AQP8: variants seen among roughly 807,000 people sequenced by gnomAD.
AQP8 encodes the protein aquaporin 8.
AQP8 carries 14 observed loss-of-function variants against 26.1 expected under a neutral mutation model. That is an observed-to-expected ratio of 0.54 (90% CI 0.35 to 0.84). AQP8 has a LOEUF of 0.84. Among genes scored for constraint, AQP8 ranks in the 40% least tolerant of loss-of-function variants. The probability of loss-of-function intolerance (pLI) is 0.01; values close to 1 mark genes in which losing one functional copy is unlikely to be tolerated. For synonymous variants in AQP8, 131 were observed against 150.7 expected (o/e 0.87, Z 0.96); for missense variants, 301 against 340.5 (o/e 0.88, Z 0.91).
intron 4 of AQP8, among the ~76,000 whole-genome samples, chr16:25,225,544 C>T (rs1004102049): frequency 6.6e-6 from 1 of 151,440 alleles, no homozygotes; most frequent in African/African-American, 2.4e-5. Flanking sequence ...GTATCTGGGA[C>T]TACAGGCGTC....
chr16:25,221,337 C>G lies in AQP8; in HGVS notation c.261-120C>G, dbSNP rs949074135. 2.3e-5 allele frequency: 29 copies of G among 1,245,352 alleles called. No individual in the cohort carries two copies. In the African/African-American group the frequency reaches 3.7e-4, roughly 16 times the overall value. The allele number at this position is 1,245,352 out of a possible 1,614,324, so 77.1% of individuals were successfully genotyped here. On this transcript the variant is annotated intron_variant, in intron 2 of 5. Coordinates refer to ENST00000219660, the MANE Select transcript of AQP8 (RefSeq NM_001169.3). The stretch of plus-strand genomic sequence containing the variant: ...GTGCCTCTTTGTATTTGAGCTGGGC[C>G]CCGGACTGACTCTTGCCCTGAGAGG...
At position 25,222,851 on chromosome 16, in the gene AQP8, C is replaced by T. The variant is rs149955801; in HGVS notation, c.387+1268C>T. 2.7e-3 allele frequency among the ~76,000 whole-genome samples: 413 copies of T among 152,286 alleles called. 4 individuals are homozygous for T. The highest frequency in any genetic ancestry group is 9.4e-3 in the African/African-American group (389 of 41,568). ...AGCCTGTTCCCCTGTCTATGGAACA[C>T]GCCCGGGACCTTCCTTCTCGGCTTC... On this transcript the variant is annotated intron_variant, in intron 3 of 5. Coordinates refer to ENST00000219660, the MANE Select transcript of AQP8 (RefSeq NM_001169.3).
In AQP8 at chr16:25,217,368, G is replaced by C. The variant is rs143923104; in HGVS notation, c.183G>C (p.Thr61=). ...IGCLSVIENG[T]DTGLLQPALA... is the part of the protein sequence containing the mutation. ...GCCTGTCGGTCATTGAGAATGGGAC[G>C]GACACTGGGCTGCTGCAGCCGGCCC... is the stretch of plus-strand genomic sequence containing the variant. Residue 61 remains threonine, a synonymous_variant, in exon 2 of 6, where the codon ACG becomes ACC. Transcript: ENST00000219660. 2,994 of 1,614,126 alleles carry C rather than the reference G, an allele frequency of 1.9e-3. 3 individuals carry two copies. Among genetic ancestry groups the C allele is most frequent in the Non-Finnish European group, 2.3e-3 (2,770 of 1,180,000 alleles).
intron 2 of AQP8, among the ~76,000 whole-genome samples, chr16:25,221,020 C>T (rs1171335400): frequency 2.0e-5 from 3 of 152,212 alleles, no homozygotes; most frequent in Admixed American, 2.0e-4. Context: ...CATTGCACTG[C>T]AGCCCGCGCG....
At chr16:25,223,762 G>A (rs908953883) in intron 3 of AQP8, among the ~76,000 whole-genome samples, 11 of 151,868 alleles carry the variant, frequency 7.2e-5, no homozygotes, top group African/African-American at 2.7e-4. Flanking sequence ...GATCATCTAA[G>A]TTACATAAGT....
rs180769851 is a variant in AQP8 at position 25,228,553 on chromosome 16, G to C, written c.*61G>C. ...CCTCAGCTCACCTGTCCCAGACTGA[G>C]GACAGGGGAGTTCCTGCATTTCCTG... On this transcript the variant is annotated 3_prime_UTR_variant, in exon 6 of 6. Transcript: ENST00000219660. 4.5e-6 allele frequency: 7 copies of C among 1,568,708 alleles called. No homozygotes were observed. The Admixed American group carries it at 1.0e-4, about 22-fold the overall frequency.
chr16:25,223,919 A>G (rs1363906276), intron 3 of AQP8, among the ~76,000 whole-genome samples: 1 of 150,704 alleles, frequency 6.6e-6, no homozygotes, highest in African/African-American at 2.4e-5. Flanking sequence ...CTCTGCTTCC[A>G]GAGTTCAAGT....
intron 1 of AQP8, 57 bp from the exon 2 acceptor site, chr16:25,217,141 T>C: frequency 6.2e-7 from 1 of 1,613,314 alleles, no homozygotes; most frequent in Non-Finnish European, 8.5e-7. Context: ...GGTCGGGGCC[T>C]TCTATATCTG....
intron 2 of AQP8, among the ~76,000 whole-genome samples, chr16:25,218,134 C>T (rs1183648351): frequency 6.6e-6 from 1 of 152,154 alleles, no homozygotes; most frequent in Non-Finnish European, 1.5e-5. Context: ...ATCCAAGTGC[C>T]TCATGCGGAA....
At chr16:25,220,242 A>G (rs1391075047) in intron 2 of AQP8, among the ~76,000 whole-genome samples, 4 of 152,104 alleles carry the variant, frequency 2.6e-5, no homozygotes, top group Non-Finnish European at 5.9e-5. Context: ...GGGTAAGCTC[A>G]TTGGTGGGCT....
chr16:25,228,433 C>T lies in AQP8; in HGVS notation c.738-11C>T, dbSNP rs1339974547. On this transcript the variant is annotated splice_polypyrimidine_tract_variant and intron_variant, in intron 5 of 5. Transcript: ENST00000219660. ...CGGGGCAGAGACCTTACTGGGTCAT[C>T]TTTCTTGCAGGTGCTTCATTGGAGA... 2 of 1,613,784 alleles carry T rather than the reference C, an allele frequency of 1.2e-6. No individual in the cohort carries two copies. Among genetic ancestry groups the T allele is most frequent in the Admixed American group, 3.3e-5 (2 of 59,996 alleles).
At chr16:25,228,388 G>T in intron 5 of AQP8, 56 bp from the exon 6 acceptor site, 1 of 1,574,850 alleles carries the variant, frequency 6.3e-7, no homozygotes, top group Non-Finnish European at 8.7e-7. Context: ...GAGACATGAC[G>T]AAGGGCTGGG....
rs182041390 is a variant in AQP8 at position 25,224,285 on chromosome 16, C to T, written c.388-77C>T. On this transcript the variant is annotated intron_variant, in intron 3 of 5. Transcript: ENST00000219660. ...ACTGGCTCTTAAGGTGGGTAGCATG[C>T]GTTTTTTAGGCCCTCTCCCCTCAGT... 3.1e-5 allele frequency: 43 copies of T among 1,377,410 alleles called. No individual in the cohort carries two copies. The East Asian group carries it at 4.8e-4, about 15-fold the overall frequency. The allele number at this position is 1,377,410 out of a possible 1,614,324, so 85.3% of individuals were successfully genotyped here.
chr16:25,218,155 T>A (rs938438587), intron 2 of AQP8, among the ~76,000 whole-genome samples: 8 of 152,182 alleles, frequency 5.3e-5, no homozygotes, highest in Non-Finnish European at 8.8e-5. Context: ...GTCATGAGAA[T>A]TAAATGAAGT....
intron 2 of AQP8, 117 bp downstream of exon 2, chr16:25,217,562 T>G: frequency 3.6e-6 from 5 of 1,372,218 alleles, no homozygotes; most frequent in Non-Finnish European, 4.9e-6. Flanking sequence ...AGGAGCGCTC[T>G]GGATAACTAT....
chr16:25,227,617 C>G (rs1054793254), intron 5 of AQP8, among the ~76,000 whole-genome samples: 3 of 152,000 alleles, frequency 2.0e-5, no homozygotes, highest in Admixed American at 2.0e-4. Flanking sequence ...GCCTGCCAAG[C>G]AGCTGGGACT....
intron 4 of AQP8, among the ~76,000 whole-genome samples, chr16:25,226,022 G>A (rs1228877926): frequency 6.6e-6 from 1 of 152,162 alleles, no homozygotes; most frequent in Admixed American, 6.5e-5. Context: ...AGAGGTTCAT[G>A]GAGGTTCCCA....
At chr16:25,221,091 T>A (rs920065741) in intron 2 of AQP8, among the ~76,000 whole-genome samples, 12 of 152,032 alleles carry the variant, frequency 7.9e-5, no homozygotes, top group African/African-American at 2.9e-4. Context: ...TGGATACCGC[T>A]CTTGGGCTAC....
intron 3 of AQP8, among the ~76,000 whole-genome samples, chr16:25,222,993 T>C (rs1962584012): frequency 6.6e-6 from 1 of 152,266 alleles, no homozygotes; most frequent in Admixed American, 6.5e-5. Context: ...TCCTGCTAAA[T>C]GTTTTACACA....
Sources: allele counts gnomAD v4.1 joint callset (sites outside exome capture counted in the v4.1 genomes callset), GRCh38; gene constraint gnomAD v4.1.1; transcripts MANE v1.5; gene names NCBI Gene and HGNC (gene_info 2026-07-23, HGNC 2026-07-21).